The following RANBP2 variants were observed in gnomAD, a reference collection of about 807,000 sequenced individuals.
RANBP2 encodes RAN binding protein 2.
A neutral mutation model predicts 303.6 loss-of-function variants in RANBP2; 57 were observed. The observed-to-expected ratio is 0.19, with a 90% CI of 0.15 to 0.23. The LOEUF (loss-of-function observed/expected upper bound fraction) is 0.23, where lower values mean the gene tolerates loss of function less well. Among genes scored for constraint, RANBP2 ranks in the 10% least tolerant of loss-of-function variants. The pLI is 1.00. For synonymous variants in RANBP2, 1,167 were observed against 1,301.5 expected (o/e 0.90, Z 2.23); for missense variants, 3,138 against 3,780.8 (o/e 0.83, Z 4.46).
the RANBP2 span, among the ~76,000 whole-genome samples, chr2:109,031,326 G>A: frequency 6.6e-6 from 1 of 152,166 alleles, no homozygotes; most frequent in Admixed American, 6.5e-5. Context: ...TGGCAGGGGT[G>A]GGGTAGAGAC....
At chr2:109,609,909 T>C in the RANBP2 span, among the ~76,000 whole-genome samples, 14 of 152,228 alleles carry the variant, frequency 9.2e-5, no homozygotes, top group South Asian at 6.2e-4. Flanking sequence ...TACTCAACAC[T>C]ATTTCAAGAT....
At chr2:109,431,879 AAAG>A in the RANBP2 span, among the ~76,000 whole-genome samples, 1 of 152,176 alleles carries the variant, frequency 6.6e-6, no homozygotes, top group South Asian at 2.1e-4. Context: ...TCAAAAAAAA[AAAG>A]GTCAAGTAAT....
the RANBP2 span, chr2:109,503,160 G>C: frequency 6.6e-6 from 1 of 152,164 alleles, no homozygotes; most frequent in African/African-American, 2.4e-5. Flanking sequence ...TCACACCTTA[G>C]GAACACATTT....
At chr2:109,210,910 G>A in the RANBP2 span, among the ~76,000 whole-genome samples, 4 of 152,322 alleles carry the variant, frequency 2.6e-5, no homozygotes, top group African/African-American at 7.2e-5. Context: ...CACTTGACAC[G>A]TGGTGGAATT....
chr2:109,472,318 G>A, the RANBP2 span, among the ~76,000 whole-genome samples: 1 of 151,988 alleles, frequency 6.6e-6, no homozygotes, highest in Non-Finnish European at 1.5e-5. Flanking sequence ...GGCCTCCCGG[G>A]CCCTCCTCAC....
chr2:109,302,023 G>A, the RANBP2 span, among the ~76,000 whole-genome samples: 1 of 152,214 alleles, frequency 6.6e-6, no homozygotes, highest in East Asian at 1.9e-4. Context: ...TTCTCAGGAA[G>A]CCATAGAGGT....
At chr2:109,646,831 A>G in the RANBP2 span, among the ~76,000 whole-genome samples, 2 of 152,010 alleles carry the variant, frequency 1.3e-5, no homozygotes, top group Non-Finnish European at 2.9e-5. Flanking sequence ...TTTTAAGAAA[A>G]TATTGTTGGA....
chr2:108,781,242 G>C, intron 25 of RANBP2, 27 bp from the exon 26 acceptor site: 1 of 1,612,830 alleles, frequency 6.2e-7, no homozygotes, highest in Middle Eastern at 1.7e-4. Flanking sequence ...AGATACTAGT[G>C]TTTAAATATC....
At chr2:109,032,520 G>A in the RANBP2 span, among the ~76,000 whole-genome samples, 2 of 152,076 alleles carry the variant, frequency 1.3e-5, no homozygotes, top group African/African-American at 4.8e-5. Context: ...TTTACACCAT[G>A]GAAGGGCTTT....
chr2:108,969,900 C>T, the RANBP2 span, among the ~76,000 whole-genome samples: 1 of 152,210 alleles, frequency 6.6e-6, no homozygotes, highest in Non-Finnish European at 1.5e-5. Context: ...GAGAAGGCTT[C>T]AGGAGAATCC....
At chr2:109,067,031 G>C in the RANBP2 span, among the ~76,000 whole-genome samples, 1 of 151,926 alleles carries the variant, frequency 6.6e-6, no homozygotes, top group African/African-American at 2.4e-5. Flanking sequence ...GGAATTTCTC[G>C]GCAGAACACA....
the RANBP2 span, among the ~76,000 whole-genome samples, chr2:108,976,398 A>G: frequency 1.3e-5 from 2 of 152,232 alleles, no homozygotes; most frequent in Non-Finnish European, 2.9e-5. Context: ...TGCTACCAGC[A>G]TGGCTCAGGA....
chr2:109,600,552 A>C, the RANBP2 span, among the ~76,000 whole-genome samples: 6 of 151,764 alleles, frequency 4.0e-5, no homozygotes, highest in African/African-American at 7.2e-5. Flanking sequence ...AAAAAAAAAA[A>C]CCACAAACTG....
chr2:109,420,424 G>T, the RANBP2 span, among the ~76,000 whole-genome samples: 29 of 150,896 alleles, frequency 1.9e-4, no homozygotes, highest in Admixed American at 4.6e-4. Context: ...AGGATTTTTT[G>T]TTGTTGTTGT....
the RANBP2 span, among the ~76,000 whole-genome samples, chr2:109,601,628 G>C: frequency 1.3e-5 from 2 of 152,006 alleles, no homozygotes; most frequent in African/African-American, 4.8e-5. Flanking sequence ...CTCTTTGCTT[G>C]TCATGTGTAT....
the RANBP2 span, among the ~76,000 whole-genome samples, chr2:109,339,752 G>A: frequency 5.9e-5 from 9 of 152,206 alleles, no homozygotes; most frequent in Admixed American, 5.2e-4. Flanking sequence ...CCAGCTCACA[G>A]CATGGGATCT....
At chr2:109,263,126 G>A in the RANBP2 span, among the ~76,000 whole-genome samples, 10 of 152,180 alleles carry the variant, frequency 6.6e-5, no homozygotes, top group South Asian at 2.1e-4. Context: ...GATTATAGGC[G>A]TGAGCCACCA....
chr2:109,546,067 C>G, the RANBP2 span: 1 of 1,594,204 alleles, frequency 6.3e-7, no homozygotes, highest in South Asian at 1.1e-5. Flanking sequence ...GGTCCTTGTC[C>G]TTCCTCAGGT....
chr2:108,781,538 G>A lies in RANBP2; in HGVS notation c.8760+109G>A. The A allele has an allele frequency of 5.9e-6, 6 of 1,017,528 alleles. No homozygotes were observed. In the Admixed American group the frequency reaches 6.9e-5, roughly 12 times the overall value. 63.0% of individuals were successfully genotyped at this position (1,017,528 alleles called of 1,614,324 possible). A position where few individuals can be genotyped will look rare whatever the true frequency, so the allele number is the denominator to read the frequency against. ...TTGTTTGCATTTAAGAATGTTTACTGTTTGAAATGGAAGCTCTATTTATTA... is the reference window on the plus strand; with the variant it reads ...TTGTTTGCATTTAAGAATGTTTACTATTTGAAATGGAAGCTCTATTTATTA... On this transcript the variant is annotated intron_variant, in intron 26 of 28. Coordinates refer to ENST00000283195, the MANE Select transcript of RANBP2 (RefSeq NM_006267.5).
Sources: gnomAD v4.1 joint callset for allele counts (sites outside exome capture counted in the v4.1 genomes callset) on GRCh38, gnomAD v4.1.1 for gene constraint, MANE v1.5 for transcripts, NCBI Gene and HGNC (gene_info 2026-07-23, HGNC 2026-07-21) for gene names.